FCHSD2: variants seen among roughly 807,000 people sequenced by gnomAD.
The protein encoded by FCHSD2 is FCH and double SH3 domains 2, also known as F-BAR and double SH3 domains protein 2.
Under a neutral mutation model 108.1 loss-of-function variants are expected in FCHSD2, and 38 were observed. That is an observed-to-expected ratio of 0.35 (90% CI 0.27 to 0.46). FCHSD2 has a LOEUF of 0.46. Ranked by LOEUF, FCHSD2 falls within the 20% of genes least tolerant of loss-of-function variation. FCHSD2 has a pLI of 1.00. For synonymous variants in FCHSD2, 279 were observed against 314.7 expected (o/e 0.89, Z 1.20); for missense variants, 751 against 897.8 (o/e 0.84, Z 2.09).
chr11:72,869,074 T>C (rs1854793854), intron 12 of FCHSD2, among the ~76,000 whole-genome samples: 1 of 151,914 alleles, frequency 6.6e-6, no homozygotes, highest in Non-Finnish European at 1.5e-5. Context: ...ACCCGGCTAA[T>C]TTTTGTATTT....
chr11:72,943,640 A>G (rs542590498), intron 8 of FCHSD2, among the ~76,000 whole-genome samples: 2 of 152,304 alleles, frequency 1.3e-5, no homozygotes, highest in South Asian at 2.1e-4. Flanking sequence ...TTTTGAACAT[A>G]TATGTTTCAG....
chr11:72,849,279 C>T (rs977278464), intron 14 of FCHSD2, among the ~76,000 whole-genome samples: 10 of 152,332 alleles, frequency 6.6e-5, no homozygotes, highest in Non-Finnish European at 1.0e-4. Context: ...GGCTGGACAT[C>T]GTCCTCGGGG....
intron 12 of FCHSD2, among the ~76,000 whole-genome samples, chr11:72,882,069 C>T (rs533312460): frequency 6.6e-4 from 101 of 152,016 alleles, no homozygotes; most frequent in South Asian, 2.9e-3. Context: ...GGCATGAAGC[C>T]GGGAGGAGGA....
chr11:72,861,931 C>CA (rs35078687), intron 13 of FCHSD2, among the ~76,000 whole-genome samples: 4 of 109,572 alleles, frequency 3.7e-5, no homozygotes, highest in African/African-American at 1.0e-4. Context: ...AACGCCGTCT[C>CA]AAAAAAAAAA....
rs1223784752 is a variant in FCHSD2, at chr11:73,139,961, G to A, written c.119+70C>T. 1.4e-5 allele frequency: 11 copies of A among 811,806 alleles called. No individual in the cohort carries two copies. The East Asian group carries it at 2.3e-4, about 17-fold the overall frequency. The allele number at this position is 811,806 out of a possible 1,614,324, so 50.3% of individuals were successfully genotyped here. ...AAGGAAATTCCATCATCAGTTCCTGGGGCTTGGTAACTCAAAGGTTCTTTG... is the reference window on the plus strand; with the variant it reads ...AAGGAAATTCCATCATCAGTTCCTGAGGCTTGGTAACTCAAAGGTTCTTTG... On this transcript the variant is annotated intron_variant, in intron 2 of 19. Coordinates refer to ENST00000409418, the MANE Select transcript of FCHSD2 (RefSeq NM_014824.3).
At chr11:72,907,757 C>T (rs1023073295) in intron 9 of FCHSD2, among the ~76,000 whole-genome samples, 2 of 151,718 alleles carry the variant, frequency 1.3e-5, no homozygotes, top group Non-Finnish European at 2.9e-5. Context: ...CGCCTGGCTG[C>T]TAATTTTTTG....
At chr11:73,096,986 G>GTTTTTTTTTTT (rs1400831147) in intron 2 of FCHSD2, among the ~76,000 whole-genome samples, 9 of 19,496 alleles carry the variant, frequency 4.6e-4, no homozygotes, top group Admixed American at 7.8e-4. Flanking sequence ...TTCATTGATG[G>GTTTTTTTTTTT]ATTTTTTTTT....
chr11:73,137,151 T>C (rs906143671), intron 2 of FCHSD2, among the ~76,000 whole-genome samples: 4 of 152,074 alleles, frequency 2.6e-5, no homozygotes, highest in Non-Finnish European at 4.4e-5. Context: ...GAAGTTATCA[T>C]GAATACCAAG....
Position 73,141,736 on chromosome 11 carries a change from A to C in FCHSD2, c.21+121T>G. 3 of 1,087,556 alleles carry C rather than the reference A, an allele frequency of 2.8e-6. No homozygotes were observed. In the South Asian group the frequency reaches 4.7e-5, roughly 17 times the overall value. The allele number at this position is 1,087,556 out of a possible 1,614,324, so 67.4% of individuals were successfully genotyped here. On this transcript the variant is annotated intron_variant, in intron 1 of 19. Transcript: ENST00000409418. ...CTGGAGCCGGCGGCAAGTCGGTGAC[A>C]AGCCCAAGACGAGGGCGGTCACGGC...
At chr11:72,973,817 T>TGTAA (rs1207159519) in intron 8 of FCHSD2, among the ~76,000 whole-genome samples, 2 of 152,250 alleles carry the variant, frequency 1.3e-5, no homozygotes, top group Non-Finnish European at 2.9e-5. Context: ...CATCCAGCTT[T>TGTAA]GTAAGTAAAG....
intron 10 of FCHSD2, chr11:72,900,142 G>A: frequency 1.7e-6 from 1 of 595,314 alleles, no homozygotes; most frequent in East Asian, 3.0e-5. Context: ...TGGTGCATCA[G>A]GGCCTCTTAT....
chr11:72,908,721 CA>C (rs1408332696), intron 9 of FCHSD2, among the ~76,000 whole-genome samples: 2 of 152,182 alleles, frequency 1.3e-5, no homozygotes, highest in Non-Finnish European at 2.9e-5. Context: ...GGCTAGAGTG[CA>C]GTGGCACAAT....
At chr11:73,016,029 G>T in intron 3 of FCHSD2, 144 bp from the exon 4 acceptor site, 1 of 589,600 alleles carries the variant, frequency 1.7e-6, no homozygotes. Flanking sequence ...TAGGCTGCAC[G>T]TGGTGGCTTA....
At chr11:72,920,160 C>A (rs899270184) in intron 9 of FCHSD2, among the ~76,000 whole-genome samples, 1 of 152,020 alleles carries the variant, frequency 6.6e-6, no homozygotes, top group Non-Finnish European at 1.5e-5. Flanking sequence ...AGACACAACA[C>A]TGAGAAGCAG....
At chr11:73,009,322 C>T (rs1351459799) in intron 4 of FCHSD2, among the ~76,000 whole-genome samples, 2 of 152,080 alleles carry the variant, frequency 1.3e-5, no homozygotes, top group Admixed American at 6.5e-5. Flanking sequence ...CATGGTGAAA[C>T]TCCATCTCTA....
intron 3 of FCHSD2, among the ~76,000 whole-genome samples, chr11:73,046,702 T>C (rs1246663456): frequency 6.6e-6 from 1 of 152,224 alleles, no homozygotes; most frequent in Non-Finnish European, 1.5e-5. Flanking sequence ...AGCACAAGTA[T>C]AACAAGATAA....
At position 72,838,780 on chromosome 11, in the gene FCHSD2, C is replaced by T; in HGVS notation, c.*11G>A. ...CTTGATTGTAGCAGTAATGGATGGG[C>T]AAGCCCATCATCACACCAGTGTGAT... On this transcript the variant is annotated 3_prime_UTR_variant, in exon 20 of 20. Transcript: ENST00000409418. 6.3e-7 allele frequency: 1 copy of T among 1,590,402 alleles called. No individual in the cohort carries two copies. Among genetic ancestry groups the T allele is most frequent in the East Asian group, 2.3e-5 (1 of 44,234 alleles).
chr11:72,884,146 G>C (rs1855148319), intron 12 of FCHSD2, among the ~76,000 whole-genome samples: 1 of 151,952 alleles, frequency 6.6e-6, no homozygotes, highest in African/African-American at 2.4e-5. Flanking sequence ...TTCTTTATGT[G>C]ATGAAAAACA....
At chr11:73,107,668 T>C in intron 2 of FCHSD2, among the ~76,000 whole-genome samples, 1 of 152,226 alleles carries the variant, frequency 6.6e-6, no homozygotes, top group East Asian at 1.9e-4. Context: ...TTTTCATTTT[T>C]AGCTCCTACA....
Sources: allele counts gnomAD v4.1 joint callset (sites outside exome capture counted in the v4.1 genomes callset), GRCh38; gene constraint gnomAD v4.1.1; transcripts MANE v1.5; gene names NCBI Gene and HGNC (gene_info 2026-07-23, HGNC 2026-07-21).